DNM2: variants seen among roughly 807,000 people sequenced by gnomAD.
DNM2 encodes dynamin-2.
In DNM2, 15 loss-of-function variants were observed where a neutral mutation model predicts 99.0. The observed-to-expected ratio is 0.15, with a 90% CI of 0.10 to 0.23. DNM2 has a LOEUF of 0.23. Among genes scored for constraint, DNM2 ranks in the 10% least tolerant of loss-of-function variants. The probability of loss-of-function intolerance (pLI) is 1.00; values close to 1 mark genes in which losing one functional copy is unlikely to be tolerated. For synonymous variants in DNM2, 525 were observed against 481.2 expected (o/e 1.09, Z -1.19); for missense variants, 742 against 1,189.4 (o/e 0.62, Z 5.53).
intron 5 of DNM2, among the ~76,000 whole-genome samples, chr19:10,779,887 CAT>C (rs1262870260): frequency 1.3e-5 from 2 of 152,022 alleles, no homozygotes; most frequent in Non-Finnish European, 2.9e-5. Context: ...CTCCTGACCT[CAT>C]GTGATCCACC....
chr19:10,752,124 T>TA (rs1295502850), intron 1 of DNM2, among the ~76,000 whole-genome samples: 1 of 152,198 alleles, frequency 6.6e-6, no homozygotes, highest in Non-Finnish European at 1.5e-5. Context: ...ACTAGAAAGT[T>TA]AGTCTTCTTT....
chr19:10,802,455 T>G (rs2072187600), intron 12 of DNM2, 97 bp downstream of exon 12: 2 of 1,374,770 alleles, frequency 1.5e-6, no homozygotes, highest in Non-Finnish European at 2.1e-6. Context: ...AGGGCAGGTG[T>G]CAGACAGTCT....
intron 14 of DNM2, chr19:10,809,986 C>T (rs1171024591): frequency 1.3e-5 from 2 of 152,376 alleles, no homozygotes; most frequent in African/African-American, 2.4e-5. Flanking sequence ...CTGCTTCTCC[C>T]TTGTACCCCA....
chr19:10,749,341 C>T (rs1253753368), intron 1 of DNM2, among the ~76,000 whole-genome samples: 1 of 152,232 alleles, frequency 6.6e-6, no homozygotes, highest in Non-Finnish European at 1.5e-5. Flanking sequence ...ATCTGCTGGA[C>T]TCAACCTGGC....
intron 1 of DNM2, among the ~76,000 whole-genome samples, chr19:10,756,991 A>T (rs542215022): frequency 6.6e-6 from 1 of 152,234 alleles, no homozygotes; most frequent in African/African-American, 2.4e-5. Context: ...ATTTGTTAAT[A>T]ATCTGGCTAA....
At chr19:10,759,848 A>AT in intron 2 of DNM2, 37 bp downstream of exon 2, 1 of 1,613,116 alleles carries the variant, frequency 6.2e-7, no homozygotes, top group Non-Finnish European at 8.5e-7. Context: ...CAGGAAGTGG[A>AT]TGTGGATGTG....
intron 11 of DNM2, among the ~76,000 whole-genome samples, chr19:10,801,497 C>T (rs138413623): frequency 1.9e-4 from 29 of 151,116 alleles, no homozygotes; most frequent in African/African-American, 6.1e-4. Context: ...CACATGCCTG[C>T]GACCCCAGCA....
Position 10,795,250 on chromosome 19 carries a change from C to G in DNM2, c.1129-122C>G. 1.1e-6 allele frequency: 1 copy of G among 914,176 alleles called. No homozygotes were observed. The highest frequency in any genetic ancestry group is 1.8e-6 in the Non-Finnish European group (1 of 560,836). 56.6% of individuals were successfully genotyped at this position (914,176 alleles called of 1,614,324 possible). A position where few individuals can be genotyped will look rare whatever the true frequency, so the allele number is the denominator to read the frequency against. ...TTCAATTTTTTAAATAAAATTTTGA[C>G]GAGTTAAATATTCTGCCTTGTGAAT... On this transcript the variant is annotated intron_variant, in intron 8 of 20. Coordinates refer to ENST00000389253, the MANE Select transcript of DNM2 (RefSeq NM_001005361.3). The surrounding 1 kb of genome is among the most constrained non-coding windows in gnomAD (Gnocchi z 4.2).
chr19:10,748,581 G>A (rs1201866670), intron 1 of DNM2, among the ~76,000 whole-genome samples: 2 of 152,172 alleles, frequency 1.3e-5, no homozygotes, highest in Admixed American at 6.5e-5. Flanking sequence ...CTGGGCATGG[G>A]TCCCCACTTC....
chr19:10,779,073 G>A (rs1008363675), intron 5 of DNM2, among the ~76,000 whole-genome samples: 2 of 151,958 alleles, frequency 1.3e-5, no homozygotes, highest in Admixed American at 6.6e-5. Context: ...AAATTAGCCA[G>A]GCGTGGTGGC....
intron 12 of DNM2, among the ~76,000 whole-genome samples, chr19:10,805,506 G>A (rs141339731): frequency 4.6e-5 from 7 of 152,290 alleles, no homozygotes; most frequent in Non-Finnish European, 8.8e-5. Context: ...ATGGTGGTAT[G>A]CACCTGTGGT....
rs1362695001 is a variant in DNM2, at chr19:10,775,667, G to A, written c.386-36G>A. 2 of 1,613,160 alleles carry A rather than the reference G, an allele frequency of 1.2e-6. No homozygotes were observed. Among genetic ancestry groups the A allele is most frequent in the Admixed American group, 1.7e-5 (1 of 59,992 alleles). On this transcript the variant is annotated intron_variant, in intron 3 of 20. Coordinates refer to ENST00000389253, the MANE Select transcript of DNM2 (RefSeq NM_001005361.3). The surrounding 1 kb of genome is among the most constrained non-coding windows in gnomAD (Gnocchi z 4.3). The stretch of plus-strand genomic sequence containing the variant: ...GGCCTGTTTGTGCCTCCCCTCTCCT[G>A]GCTCTGAATGCCTTTCCTTCTGGTT...
intron 7 of DNM2, among the ~76,000 whole-genome samples, chr19:10,788,237 A>C (rs1310462936): frequency 6.6e-6 from 1 of 151,630 alleles, no homozygotes; most frequent in Non-Finnish European, 1.5e-5. Flanking sequence ...CGTCTCAAAA[A>C]AAAAAAAAAA....
At chr19:10,787,473 A>G (rs1465095390) in intron 7 of DNM2, among the ~76,000 whole-genome samples, 1 of 150,134 alleles carries the variant, frequency 6.7e-6, no homozygotes, top group Non-Finnish European at 1.5e-5. Flanking sequence ...TCTGTTTAAA[A>G]AAAAGAAAAA....
intron 1 of DNM2, among the ~76,000 whole-genome samples, chr19:10,722,713 C>T (rs975836626): frequency 6.6e-6 from 1 of 151,866 alleles, no homozygotes; most frequent in Middle Eastern, 3.4e-3. Context: ...GCAGCCTTGA[C>T]CTCCTGGGCT....
chr19:10,827,051 A>G (rs1312990037), intron 18 of DNM2, among the ~76,000 whole-genome samples: 2 of 152,082 alleles, frequency 1.3e-5, no homozygotes, highest in Admixed American at 6.6e-5. Context: ...GGAGTTCAAG[A>G]CCAGCCTGGA....
chr19:10,742,013 T>C (rs2069770776), intron 1 of DNM2, among the ~76,000 whole-genome samples: 1 of 150,002 alleles, frequency 6.7e-6, no homozygotes, highest in South Asian at 2.1e-4. Flanking sequence ...TCTTTCTTTT[T>C]TTCTTTCTTT....
chr19:10,740,332 T>C (rs2069696653), intron 1 of DNM2, among the ~76,000 whole-genome samples: 1 of 152,120 alleles, frequency 6.6e-6, no homozygotes, highest in African/African-American at 2.4e-5. Context: ...GTTCTTGAAG[T>C]GGAAGATTAT....
At chr19:10,827,432 A>G (rs1046024650) in intron 18 of DNM2, among the ~76,000 whole-genome samples, 8 of 152,098 alleles carry the variant, frequency 5.3e-5, no homozygotes, top group African/African-American at 1.7e-4. Context: ...ATTATTTAAG[A>G]AAATAATAAA....
Sources: allele counts gnomAD v4.1 joint callset (sites outside exome capture counted in the v4.1 genomes callset), GRCh38; gene constraint gnomAD v4.1.1; non-coding constraint Gnocchi (gnomAD v3.1); transcripts MANE v1.5; gene names NCBI Gene and HGNC (gene_info 2026-07-23, HGNC 2026-07-21).